XRN2: variants seen among roughly 807,000 people sequenced by gnomAD.
XRN2 encodes the protein DHM1-like protein.
In XRN2, 44 loss-of-function variants were observed where a neutral mutation model predicts 138.5. That is an observed-to-expected ratio of 0.32 (90% CI 0.25 to 0.41). The LOEUF is 0.41. Among genes scored for constraint, XRN2 ranks in the 10% least tolerant of loss-of-function variants. XRN2 has a pLI of 1.00. For synonymous variants in XRN2, 354 were observed against 369.4 expected (o/e 0.96, Z 0.48); for missense variants, 937 against 1,169.3 (o/e 0.80, Z 2.90).
chr20:21,325,645 A>G (rs2038115119), intron 1 of XRN2, among the ~76,000 whole-genome samples: 1 of 152,230 alleles, frequency 6.6e-6, no homozygotes, highest in East Asian at 1.9e-4. Flanking sequence ...CCAGGAACTT[A>G]CAAGAGAGTG....
chr20:21,324,229 C>T (rs1165163750), intron 1 of XRN2, among the ~76,000 whole-genome samples: 1 of 152,062 alleles, frequency 6.6e-6, no homozygotes, highest in African/African-American at 2.4e-5. Context: ...TGATTCACAG[C>T]ATGTATGTAC....
At chr20:21,315,060 C>G (rs752778057) in intron 1 of XRN2, among the ~76,000 whole-genome samples, 22 of 152,140 alleles carry the variant, frequency 1.4e-4, no homozygotes, top group Admixed American at 4.6e-4. Flanking sequence ...GTTTATGTGA[C>G]ACACTGAGCT....
chr20:21,339,086 A>G lies in XRN2; in HGVS notation c.1276A>G (p.Lys426Glu), dbSNP rs1359558884. Residue 426 changes from lysine (K) to glutamate (E), a missense_variant and splice_region_variant, in exon 14 of 30, where the codon AAG (lysine) becomes GAG (glutamate). By Grantham distance (56) the Lys-to-Glu change is moderately conservative (BLOSUM62 1). Transcript: ENST00000377191. ...RRQKEKRKRM[K>E]RDQPAFTPSG... ...ACAGAAAGAAAAAAGAAAGAGAATG[A>G]AGGTGAGTTTTAATTAATTTCATGA... is the stretch of plus-strand genomic sequence containing the variant. The G allele has an allele frequency of 6.2e-7, 1 of 1,605,606 alleles. No individual in the cohort carries two copies.
chr20:21,304,063 ACCCTTCTCTGTGTG>A (rs1192245809), intron 1 of XRN2, among the ~76,000 whole-genome samples: 5 of 152,004 alleles, frequency 3.3e-5, no homozygotes, highest in Non-Finnish European at 7.4e-5. Context: ...CTGAGAAGTT[ACCCTTCTCTGTGTG>A]CCCTGACTAC....
intron 1 of XRN2, chr20:21,303,708 A>C: frequency 1.6e-6 from 2 of 1,254,192 alleles, no homozygotes; most frequent in Non-Finnish European, 2.0e-6. Context: ...AGGGTTCCGA[A>C]CTCGCAGGAG....
intron 1 of XRN2, among the ~76,000 whole-genome samples, chr20:21,323,399 C>T (rs933154007): frequency 1.3e-5 from 2 of 152,170 alleles, no homozygotes; most frequent in African/African-American, 2.4e-5. Context: ...AATTAAAAGT[C>T]ATTACTTGAA....
chr20:21,325,279 C>G (rs558305854), intron 1 of XRN2, among the ~76,000 whole-genome samples: 7 of 152,304 alleles, frequency 4.6e-5, no homozygotes, highest in South Asian at 4.1e-4. Flanking sequence ...TAGTCTTAAT[C>G]TCTTGCTGAG....
In XRN2 at chr20:21,340,861, CT is replaced by C. The variant is rs759336618; in HGVS notation, c.1410+11del. ...GGATGCAGAATAACTCTGTAAGTGGCTTACTTTTATGTGACATTTAAGAGTG... is the reference window on the plus strand; with the variant it reads ...GGATGCAGAATAACTCTGTAAGTGGCTACTTTTATGTGACATTTAAGAGTG... On this transcript the variant is annotated intron_variant, in intron 15 of 29. Transcript: ENST00000377191. 6.2e-6 allele frequency: 10 copies of C among 1,613,600 alleles called. No homozygotes were observed. In the South Asian group the frequency reaches 1.1e-4, roughly 18 times the overall value.
chr20:21,323,519 TGAG>T (rs1382509441), intron 1 of XRN2, among the ~76,000 whole-genome samples: 3 of 152,232 alleles, frequency 2.0e-5, no homozygotes, highest in African/African-American at 7.2e-5. Flanking sequence ...ACAAGGTTCT[TGAG>T]GAGTCAGTTC....
chr20:21,309,146 G>A (rs1305618377), intron 1 of XRN2, among the ~76,000 whole-genome samples: 1 of 152,204 alleles, frequency 6.6e-6, no homozygotes, highest in Admixed American at 6.5e-5. Flanking sequence ...TAGCATTCTT[G>A]TAATGTGTAG....
At chr20:21,349,826 A>G (rs866078728) in intron 20 of XRN2, among the ~76,000 whole-genome samples, 6 of 152,244 alleles carry the variant, frequency 3.9e-5, no homozygotes, top group Non-Finnish European at 8.8e-5. Flanking sequence ...TTCTCCATCC[A>G]ACCTGGGATT....
chr20:21,343,156 A>G (rs1360852712), intron 15 of XRN2, among the ~76,000 whole-genome samples: 1 of 152,166 alleles, frequency 6.6e-6, no homozygotes, highest in Non-Finnish European at 1.5e-5. Context: ...TTTACTTGAA[A>G]TAGCTAATAT....
chr20:21,342,950 A>G (rs1403247563), intron 15 of XRN2, among the ~76,000 whole-genome samples: 2 of 151,998 alleles, frequency 1.3e-5, no homozygotes, highest in Non-Finnish European at 2.9e-5. Flanking sequence ...TTTTGACAAT[A>G]TTGTCTGTAC....
intron 3 of XRN2, 84 bp from the exon 4 acceptor site, chr20:21,328,475 A>G (rs1333773490): frequency 5.3e-6 from 7 of 1,325,834 alleles, no homozygotes; most frequent in East Asian, 4.9e-5. Flanking sequence ...TACTGCTTTT[A>G]TAAGAACAAC....
At chr20:21,362,518 C>T (rs936378912) in intron 24 of XRN2, among the ~76,000 whole-genome samples, 12 of 152,150 alleles carry the variant, frequency 7.9e-5, no homozygotes, top group African/African-American at 2.9e-4. Flanking sequence ...AAGACTGTTG[C>T]TTAGGCTCTG....
Position 21,330,609 on chromosome 20 carries a change from A to G in XRN2, c.487-7A>G, listed in dbSNP as rs745842377. On this transcript the variant is annotated splice_region_variant and splice_polypyrimidine_tract_variant and intron_variant, in intron 5 of 29. Transcript: ENST00000377191. ...ATAGGTTAATTTATTTCTTTCTATC[A>G]TTTTAGGGAACTGAATTCATGGACA... 1.9e-6 allele frequency: 3 copies of G among 1,613,760 alleles called. No homozygotes were observed. Among genetic ancestry groups the G allele is most frequent in the Non-Finnish European group, 2.5e-6 (3 of 1,179,912 alleles).
intron 26 of XRN2, among the ~76,000 whole-genome samples, 192 bp downstream of exon 26, chr20:21,365,896 TTA>T (rs766677499): frequency 5.1e-4 from 63 of 124,654 alleles, no homozygotes; most frequent in Middle Eastern, 3.7e-3. Context: ...TAATATATAA[TTA>T]TATATATAAT....
At position 21,368,388 on chromosome 20, in the gene XRN2, T is replaced by C. The variant is rs1355756239; in HGVS notation, c.2457-75T>C. 9 of 1,560,062 alleles carry C rather than the reference T, an allele frequency of 5.8e-6. No individual in the cohort carries two copies. The African/African-American group carries it at 8.3e-5, about 14-fold the overall frequency. ...TGAAGACGTGGCTATGAGCATTTGT[T>C]TTATTTGTGTCAGCTGTGTTATGAT... On this transcript the variant is annotated intron_variant, in intron 26 of 29. Transcript: ENST00000377191.
rs1166398620 is a variant in XRN2 at position 21,365,626 on chromosome 20, G to T, written c.2378G>T (p.Arg793Leu). The T allele has an allele frequency of 3.1e-6, 5 of 1,613,244 alleles. No individual in the cohort carries two copies. The South Asian group carries it at 5.5e-5, about 18-fold the overall frequency. The change falls in exon 26 of 30, where the codon CGG (arginine) becomes CTG (leucine). Residue 793 changes from arginine (R) to leucine (L), a missense_variant. Arg to Leu is a moderately radical substitution (Grantham distance 102). Transcript: ENST00000377191. ...GACTGGGAAAAATCCAGCAATGGAC[G>T]GCAGTGGAAGCCTCAGCTTGGCTTT... ...PSDWEKSSNG[R>L]QWKPQLGFNR... is the part of the protein sequence containing the mutation.
Sources: gnomAD v4.1 joint callset for allele counts (sites outside exome capture counted in the v4.1 genomes callset) on GRCh38, gnomAD v4.1.1 for gene constraint, MANE v1.5 for transcripts, NCBI Gene and HGNC (gene_info 2026-07-23, HGNC 2026-07-21) for gene names.